Variants in FRMD6 observed in about 807,000 individuals in gnomAD.
The protein encoded by FRMD6 is FERM domain-containing protein 6.
FRMD6 carries 37 observed loss-of-function variants against 73.2 expected under a neutral mutation model. The ratio of observed to expected loss-of-function variants is 0.51; its 90% confidence interval spans 0.39 to 0.66. The LOEUF is 0.66. Among genes scored for constraint, FRMD6 ranks in the 30% least tolerant of loss-of-function variants. The probability of loss-of-function intolerance (pLI) is 0.00; values close to 1 mark genes in which losing one functional copy is unlikely to be tolerated. For synonymous variants in FRMD6, 273 were observed against 282.2 expected (o/e 0.97, Z 0.33); for missense variants, 714 against 780.5 (o/e 0.91, Z 1.02).
chr14:51,612,999 GC>G (rs1334694509), intron 2 of FRMD6, among the ~76,000 whole-genome samples: 2 of 152,118 alleles, frequency 1.3e-5, no homozygotes, highest in Admixed American at 6.6e-5. Flanking sequence ...ACACACAGGT[GC>G]AATGGCTTGG....
chr14:51,646,423 T>A (rs997904528), intron 2 of FRMD6, among the ~76,000 whole-genome samples: 1 of 151,344 alleles, frequency 6.6e-6, no homozygotes, highest in African/African-American at 2.4e-5. Flanking sequence ...GAGAATATTA[T>A]CTCAGATAAT....
chr14:51,612,739 C>T lies in FRMD6; in HGVS notation c.-147+42329C>T, dbSNP rs141668821. Among the ~76,000 whole-genome samples, 456 of 152,278 alleles carry T rather than the reference C, an allele frequency of 3.0e-3. 2 individuals are homozygous for T. Among genetic ancestry groups the T allele is most frequent in the African/African-American group, 9.9e-3 (410 of 41,550 alleles). On this transcript the variant is annotated intron_variant, in intron 2 of 14. Transcript: ENST00000356218. ...TTACTCATAAAGTTGGAGAACTGTA[C>T]TTTTGAAAGATCTGCACAAACAAGA...
chr14:51,599,947 C>T (rs1889945825), intron 2 of FRMD6: 1 of 150,302 alleles, frequency 6.7e-6, no homozygotes. Context: ...GTCCTGGCCT[C>T]TATTTCAGCT....
chr14:51,551,215 C>T (rs1013587157), intron 1 of FRMD6, among the ~76,000 whole-genome samples: 1 of 152,168 alleles, frequency 6.6e-6, no homozygotes, highest in Non-Finnish European at 1.5e-5. Flanking sequence ...ACACCGGAAT[C>T]CAGAAGGTTT....
At chr14:51,548,767 CTCTT>C (rs1204163462) in intron 1 of FRMD6, among the ~76,000 whole-genome samples, 1 of 152,128 alleles carries the variant, frequency 6.6e-6, no homozygotes, top group African/African-American at 2.4e-5. Flanking sequence ...AGAGGAATAA[CTCTT>C]TCTGGTGTTC....
In FRMD6 at chr14:51,684,829, G is replaced by A. The variant is rs148306649; in HGVS notation, c.-146-4862G>A. ...AAGCCAAACAGCTAACATTTAATGAGCATATACTATGTGCCTGTCATTGGA... is the reference window on the plus strand; with the variant it reads ...AAGCCAAACAGCTAACATTTAATGAACATATACTATGTGCCTGTCATTGGA... On this transcript the variant is annotated intron_variant, in intron 1 of 13. Coordinates refer to ENST00000344768, the MANE Select transcript of FRMD6 (RefSeq NM_001267046.2). Among the ~76,000 whole-genome samples, 254 of 152,300 alleles carry A rather than the reference G, an allele frequency of 1.7e-3. 1 individual carries two copies. The highest frequency in any genetic ancestry group is 5.5e-3 in the African/African-American group (229 of 41,566).
In FRMD6 at chr14:51,630,380, G is replaced by A. The variant is rs115048554; in HGVS notation, c.-146-59311G>A. On this transcript the variant is annotated intron_variant, in intron 2 of 14. Transcript: ENST00000356218. ...GTTACACAGATAGTGAGTGAAGCTG[G>A]GATTCAAGCCCATGTCATCTAGTTC... 4.5e-3 allele frequency among the ~76,000 whole-genome samples: 691 copies of A among 152,094 alleles called. 7 individuals carry two copies. Among genetic ancestry groups the A allele is most frequent in the African/African-American group, 0.016 (664 of 41,482 alleles).
intron 1 of FRMD6, among the ~76,000 whole-genome samples, chr14:51,681,086 C>G (rs1894762764): frequency 6.6e-6 from 1 of 152,100 alleles, no homozygotes; most frequent in South Asian, 2.1e-4. Flanking sequence ...TATATTCTCC[C>G]TTTTCTATAG....
intron 1 of FRMD6, among the ~76,000 whole-genome samples, chr14:51,508,614 A>G (rs570720276): frequency 6.6e-6 from 1 of 152,348 alleles, no homozygotes; most frequent in South Asian, 2.1e-4. Context: ...AGGCTAAGGC[A>G]TTTTATTAAA....
chr14:51,563,701 G>A (rs1177365022), intron 1 of FRMD6, among the ~76,000 whole-genome samples: 3 of 152,068 alleles, frequency 2.0e-5, no homozygotes, highest in Non-Finnish European at 4.4e-5. Flanking sequence ...AAGCTTCTGT[G>A]GTTGCAATAC....
At chr14:51,479,821 C>A in the FRMD6 span, among the ~76,000 whole-genome samples, 1 of 152,028 alleles carries the variant, frequency 6.6e-6, no homozygotes, top group East Asian at 1.9e-4. Flanking sequence ...GGAGGTCATC[C>A]AAGGTGAGAA....
the FRMD6 span, among the ~76,000 whole-genome samples, chr14:51,429,264 T>C: frequency 6.6e-6 from 1 of 152,178 alleles, no homozygotes; most frequent in Non-Finnish European, 1.5e-5. Flanking sequence ...CCAATTCCTC[T>C]TCCTCAAAAT....
At chr14:51,493,375 G>A (rs1176198758) in intron 1 of FRMD6, among the ~76,000 whole-genome samples, 1 of 152,140 alleles carries the variant, frequency 6.6e-6, no homozygotes, top group African/African-American at 2.4e-5. Context: ...TGTCGTAGGA[G>A]GGACTCAGTG....
chr14:51,701,901 C>T (rs892532814), intron 4 of FRMD6, among the ~76,000 whole-genome samples: 1 of 151,798 alleles, frequency 6.6e-6, no homozygotes, highest in Non-Finnish European at 1.5e-5. Context: ...TGTACTGGTG[C>T]TTTATTTCAC....
chr14:51,571,107 G>A (rs1888112842), intron 2 of FRMD6, among the ~76,000 whole-genome samples: 2 of 152,176 alleles, frequency 1.3e-5, no homozygotes, highest in Non-Finnish European at 2.9e-5. Context: ...TGGGCATGGT[G>A]GCTCATGACT....
chr14:51,677,429 A>G (rs1450893707), intron 1 of FRMD6, among the ~76,000 whole-genome samples: 8 of 152,038 alleles, frequency 5.3e-5, no homozygotes, highest in Non-Finnish European at 1.2e-4. Flanking sequence ...TGAATGAGGG[A>G]ATCAAAGATT....
At chr14:51,475,773 A>C in the FRMD6 span, among the ~76,000 whole-genome samples, 2 of 152,206 alleles carry the variant, frequency 1.3e-5, no homozygotes, top group Non-Finnish European at 2.9e-5. Context: ...ACTTTTTGCC[A>C]AAGTGCTCAT....
At chr14:51,408,440 T>C in the FRMD6 span, among the ~76,000 whole-genome samples, 1 of 152,210 alleles carries the variant, frequency 6.6e-6, no homozygotes, top group Non-Finnish European at 1.5e-5. Context: ...ATTACATAAC[T>C]CTTAACTTCT....
At chr14:51,725,507 A>G (rs916286145) in intron 12 of FRMD6, among the ~76,000 whole-genome samples, 21 of 152,204 alleles carry the variant, frequency 1.4e-4, no homozygotes, top group African/African-American at 4.8e-4. Flanking sequence ...CTTCATCATA[A>G]ATAGCTTAAT....
Sources: allele counts gnomAD v4.1 joint callset (sites outside exome capture counted in the v4.1 genomes callset), GRCh38; gene constraint gnomAD v4.1.1; transcripts MANE v1.5; gene names NCBI Gene and HGNC (gene_info 2026-07-23, HGNC 2026-07-21).